CDH13: variants seen among roughly 807,000 people sequenced by gnomAD.
The protein encoded by CDH13 is cadherin 13.
In CDH13, 24 loss-of-function variants were observed where a neutral mutation model predicts 63.8. That is an observed-to-expected ratio of 0.38 (90% CI 0.27 to 0.53). The LOEUF is 0.53. Among genes scored for constraint, CDH13 ranks in the 20% least tolerant of loss-of-function variants. CDH13 has a pLI of 0.85. For synonymous variants in CDH13, 503 were observed against 355.3 expected (o/e 1.42, Z -4.67); for missense variants, 1,049 against 903.1 (o/e 1.16, Z -2.07).
chr16:83,323,642 G>C (rs1188451762), intron 5 of CDH13, among the ~76,000 whole-genome samples: 2 of 152,064 alleles, frequency 1.3e-5, no homozygotes, highest in African/African-American at 4.8e-5. Flanking sequence ...AAAAAATAAA[G>C]CAAAACAAAC....
At chr16:82,941,774 G>T (rs1218274446) in intron 2 of CDH13, among the ~76,000 whole-genome samples, 1 of 152,012 alleles carries the variant, frequency 6.6e-6, no homozygotes, top group African/African-American at 2.4e-5. Context: ...CCCAGTATAT[G>T]GGGGCTATCA....
At chr16:83,216,548 G>T (rs2039537106) in intron 4 of CDH13, among the ~76,000 whole-genome samples, 1 of 135,424 alleles carries the variant, frequency 7.4e-6, no homozygotes, top group Admixed American at 7.8e-5. Context: ...TATATAATGG[G>T]GTTTAATATA....
Position 82,902,900 on chromosome 16 carries a change from G to A in CDH13, c.157+44427G>A, listed in dbSNP as rs560990142. ...AAATACTCATCAGTATGGAAAGGGC[G>A]AAGTCTGGGCAAATTGGATGGGTCT... On this transcript the variant is annotated intron_variant, in intron 2 of 13. Transcript: ENST00000567109. 2.6e-5 allele frequency among the ~76,000 whole-genome samples: 4 copies of A among 152,298 alleles called. No individual in the cohort carries two copies. In the South Asian group the frequency reaches 6.2e-4, roughly 24 times the overall value.
intron 3 of CDH13, among the ~76,000 whole-genome samples, chr16:83,054,380 G>A (rs1378426656): frequency 6.6e-6 from 1 of 152,144 alleles, no homozygotes; most frequent in Non-Finnish European, 1.5e-5. Context: ...GAACTTTGGG[G>A]CCATTAAGTA....
intron 10 of CDH13, among the ~76,000 whole-genome samples, chr16:83,695,576 T>G (rs945495177): frequency 2.6e-5 from 4 of 152,198 alleles, no homozygotes; most frequent in African/African-American, 9.6e-5. Context: ...AACCCACAGC[T>G]AGGCTCCAAA....
Position 82,809,970 on chromosome 16 carries a change from A to G in CDH13, c.46-48392A>G, listed in dbSNP as rs142338689. Reference sequence around the variant, plus strand: ...ACTTGCTTTTAAAACATGTCAGTTCATTCTCTGTATGCCCATCTATTAAGG... The same window carrying G: ...ACTTGCTTTTAAAACATGTCAGTTCGTTCTCTGTATGCCCATCTATTAAGG... On this transcript the variant is annotated intron_variant, in intron 1 of 13. Coordinates refer to ENST00000567109, the MANE Select transcript of CDH13 (RefSeq NM_001257.5). 4.7e-3 allele frequency among the ~76,000 whole-genome samples: 718 copies of G among 152,292 alleles called. 5 individuals carry two copies. The highest frequency in any genetic ancestry group is 0.016 in the African/African-American group (676 of 41,566).
At chr16:82,737,894 C>T (rs2033752922) in intron 1 of CDH13, among the ~76,000 whole-genome samples, 1 of 152,240 alleles carries the variant, frequency 6.6e-6, no homozygotes, top group East Asian at 1.9e-4. Context: ...CCATCAGCTT[C>T]ATAATCAAGG....
chr16:83,196,001 A>T (rs1312493374), intron 4 of CDH13, among the ~76,000 whole-genome samples: 1 of 152,226 alleles, frequency 6.6e-6, no homozygotes, highest in Non-Finnish European at 1.5e-5. Context: ...CACAACTGTA[A>T]TCCCAGCACT....
intron 4 of CDH13, among the ~76,000 whole-genome samples, chr16:83,184,799 G>A (rs987942002): frequency 6.6e-6 from 1 of 152,070 alleles, no homozygotes; most frequent in African/African-American, 2.4e-5. Flanking sequence ...GATGAGGACG[G>A]TAATAATACC....
In CDH13 at chr16:83,457,595, C is replaced by T. The variant is rs528012517; in HGVS notation, c.782-28882C>T. On this transcript the variant is annotated intron_variant, in intron 6 of 13. Coordinates refer to ENST00000567109, the MANE Select transcript of CDH13 (RefSeq NM_001257.5). ...CCTCTATTATCCTCAACAACAATGA[C>T]ATCCACAGTAGCAATAAGCAGGAGG... is the stretch of plus-strand genomic sequence containing the variant. Among the ~76,000 whole-genome samples, 145 of 152,228 alleles carry T rather than the reference C, an allele frequency of 9.5e-4. No homozygotes were observed. In the Middle Eastern group the frequency reaches 0.01, roughly 11 times the overall value.
rs144277948 is a variant in CDH13 at position 83,656,711 on chromosome 16, A to C, written c.1102-14079A>C. 5.9e-3 allele frequency among the ~76,000 whole-genome samples: 894 copies of C among 152,358 alleles called. 14 individuals carry two copies. Among genetic ancestry groups the C allele is most frequent in the African/African-American group, 0.02 (839 of 41,580 alleles). ...TAGACATCTTTGAATGACTGCACAG[A>C]GAATCGTGGTCTTTGCCACTCTCCC... On this transcript the variant is annotated intron_variant, in intron 8 of 13. Coordinates refer to ENST00000567109, the MANE Select transcript of CDH13 (RefSeq NM_001257.5).
At chr16:83,787,858 G>A (rs530594419) in intron 13 of CDH13, among the ~76,000 whole-genome samples, 191 of 152,220 alleles carry the variant, frequency 1.3e-3, no homozygotes, top group African/African-American at 4.2e-3. Context: ...CAGGAGAATC[G>A]CTTGAACCTG....
chr16:83,569,291 C>T (rs62040171), intron 7 of CDH13, among the ~76,000 whole-genome samples: 6,862 of 152,202 alleles, frequency 0.045, 231 homozygotes, highest in South Asian at 0.15. Context: ...ACCAGCTCCA[C>T]ACTGCACTCC....
Position 83,090,341 on chromosome 16 carries a change from C to A in CDH13, c.367-35044C>A, listed in dbSNP as rs59140285. On this transcript the variant is annotated intron_variant, in intron 3 of 13. Coordinates refer to ENST00000567109, the MANE Select transcript of CDH13 (RefSeq NM_001257.5). ...CTGTAATCCCAGCACTTTGGGAGGCCGAGGCGGGCAGATCATGAGGTCAGG... is the reference window on the plus strand; with the variant it reads ...CTGTAATCCCAGCACTTTGGGAGGCAGAGGCGGGCAGATCATGAGGTCAGG... Among the ~76,000 whole-genome samples, 3 of 151,822 alleles carry A rather than the reference C, an allele frequency of 2.0e-5. No individual in the cohort carries two copies. The East Asian group carries it at 5.8e-4, about 30-fold the overall frequency.
At chr16:83,597,768 G>C (rs1318880917) in intron 7 of CDH13, among the ~76,000 whole-genome samples, 4 of 152,132 alleles carry the variant, frequency 2.6e-5, no homozygotes, top group Admixed American at 2.6e-4. Context: ...TAGGTGCAAA[G>C]TTTTATTTAC....
intron 1 of CDH13, among the ~76,000 whole-genome samples, chr16:82,783,175 G>C (rs1265973579): frequency 6.6e-6 from 1 of 152,204 alleles, no homozygotes; most frequent in African/African-American, 2.4e-5. Flanking sequence ...CAGGAGCATG[G>C]GCAATCCATA....
intron 1 of CDH13, among the ~76,000 whole-genome samples, chr16:82,778,615 C>G (rs893460920): frequency 6.9e-6 from 1 of 145,030 alleles, no homozygotes; most frequent in Non-Finnish European, 1.5e-5. Context: ...TCTATTCTCA[C>G]TACACAGCAT....
At chr16:83,029,647 A>T (rs572915770) in intron 2 of CDH13, among the ~76,000 whole-genome samples, 1 of 152,306 alleles carries the variant, frequency 6.6e-6, no homozygotes, top group Admixed American at 6.5e-5. Context: ...ACCACATTAG[A>T]TGCCATGCAA....
At chr16:82,875,905 T>A (rs1347851262) in intron 2 of CDH13, among the ~76,000 whole-genome samples, 1 of 152,202 alleles carries the variant, frequency 6.6e-6, no homozygotes, top group Non-Finnish European at 1.5e-5. Context: ...AAGAAAGGTT[T>A]ATTGGACTTA....
Sources: gnomAD v4.1 joint callset for allele counts (sites outside exome capture counted in the v4.1 genomes callset) on GRCh38, gnomAD v4.1.1 for gene constraint, MANE v1.5 for transcripts, NCBI Gene and HGNC (gene_info 2026-07-23, HGNC 2026-07-21) for gene names.